IQCM: variants seen among roughly 807,000 people sequenced by gnomAD.
The protein encoded by IQCM is IQ motif containing M.
In IQCM, 45 loss-of-function variants were observed where a neutral mutation model predicts 57.6. That is an observed-to-expected ratio of 0.78 (90% CI 0.62 to 1.00). IQCM has a LOEUF of 1.00. Ranked by LOEUF, IQCM falls within the 50% of genes least tolerant of loss-of-function variation. IQCM has a pLI of 0.00. For missense variants in IQCM, 468 were observed against 511.6 expected (o/e 0.91, Z 0.82); for synonymous variants, 148 against 158.9 (o/e 0.93, Z 0.51).
intron 9 of IQCM, among the ~76,000 whole-genome samples, chr4:149,582,766 C>T (rs1332405993): frequency 6.6e-6 from 1 of 151,282 alleles, no homozygotes; most frequent in African/African-American, 2.4e-5. Context: ...AGGCACTGAC[C>T]CAGAAGAATC....
At chr4:149,380,736 C>A (rs1379137207) in intron 13 of IQCM, among the ~76,000 whole-genome samples, 1 of 152,026 alleles carries the variant, frequency 6.6e-6, no homozygotes, top group Admixed American at 6.6e-5. Flanking sequence ...AGAAAGAGTG[C>A]TAAGACATCC....
At chr4:149,801,922 T>C (rs1311953046) in intron 2 of IQCM, among the ~76,000 whole-genome samples, 1 of 151,948 alleles carries the variant, frequency 6.6e-6, no homozygotes, top group Non-Finnish European at 1.5e-5. Flanking sequence ...CAAAGACAAA[T>C]GCTTGAGGGG....
intron 3 of IQCM, 29 bp downstream of exon 3, chr4:149,742,620 GACTTGT>G (rs1350289060): frequency 3.3e-6 from 4 of 1,200,272 alleles, no homozygotes; most frequent in Non-Finnish European, 4.2e-6. Context: ...GGAGTGTTAT[GACTTGT>G]ACTATGTTAG....
intron 7 of IQCM, among the ~76,000 whole-genome samples, chr4:149,679,101 T>A (rs933223913): frequency 5.3e-5 from 8 of 151,694 alleles, no homozygotes; most frequent in Non-Finnish European, 8.9e-5. Flanking sequence ...TGTAGCACTA[T>A]TCACAACAGA....
At chr4:149,777,933 A>C (rs74682461) in intron 2 of IQCM, among the ~76,000 whole-genome samples, 3,401 of 152,268 alleles carry the variant, frequency 0.022, 65 homozygotes, top group South Asian at 0.036. Flanking sequence ...AACAAAACAA[A>C]AAAAAAGGCC....
At chr4:149,680,913 C>G (rs1481338487) in intron 7 of IQCM, among the ~76,000 whole-genome samples, 1 of 151,278 alleles carries the variant, frequency 6.6e-6, no homozygotes, top group African/African-American at 2.4e-5. Context: ...AAAAATAAGA[C>G]TTAAATGAAT....
chr4:149,421,894 T>A (rs1471329740), intron 13 of IQCM, among the ~76,000 whole-genome samples: 1 of 152,064 alleles, frequency 6.6e-6, no homozygotes, highest in Non-Finnish European at 1.5e-5. Context: ...TATTATAATA[T>A]TATATAATCA....
intron 12 of IQCM, among the ~76,000 whole-genome samples, chr4:149,517,823 G>C (rs896020915): frequency 2.0e-4 from 31 of 152,232 alleles, no homozygotes; most frequent in African/African-American, 5.8e-4. Flanking sequence ...GATGCTTCCT[G>C]CCCTGGAACA....
At chr4:149,498,566 C>T (rs1316795250) in intron 12 of IQCM, among the ~76,000 whole-genome samples, 2 of 152,094 alleles carry the variant, frequency 1.3e-5, no homozygotes, top group Non-Finnish European at 2.9e-5. Flanking sequence ...AGGGCAGGAA[C>T]TAAGAGGGGC....
At chr4:149,352,631 T>A (rs986243319) in intron 13 of IQCM, among the ~76,000 whole-genome samples, 3 of 152,188 alleles carry the variant, frequency 2.0e-5, no homozygotes, top group Non-Finnish European at 4.4e-5. Context: ...TGGAACCAAT[T>A]TCCTACCAGC....
chr4:149,358,313 C>G (rs1193109109), intron 13 of IQCM, among the ~76,000 whole-genome samples: 1 of 152,042 alleles, frequency 6.6e-6, no homozygotes, highest in Non-Finnish European at 1.5e-5. Flanking sequence ...GCTCTTGCTT[C>G]TCTAGTTCTT....
chr4:149,793,423 A>C (rs989328457), intron 2 of IQCM, among the ~76,000 whole-genome samples: 1 of 152,162 alleles, frequency 6.6e-6, no homozygotes, highest in African/African-American at 2.4e-5. Flanking sequence ...TCTCTCTTCT[A>C]ATTGCACCAG....
At chr4:149,643,762 T>C (rs1410728109) in intron 7 of IQCM, among the ~76,000 whole-genome samples, 2 of 152,134 alleles carry the variant, frequency 1.3e-5, no homozygotes, top group East Asian at 1.9e-4. Flanking sequence ...AAAAAACAAG[T>C]AATTGTTTAA....
At chr4:149,609,210 T>A (rs1337088700) in intron 8 of IQCM, among the ~76,000 whole-genome samples, 1 of 151,738 alleles carries the variant, frequency 6.6e-6, no homozygotes, top group African/African-American at 2.4e-5. Context: ...AAAACCTGAA[T>A]AGACCACAAC....
chr4:149,814,951 A>G (rs1489139209), intron 2 of IQCM, among the ~76,000 whole-genome samples: 1 of 152,004 alleles, frequency 6.6e-6, no homozygotes, highest in Non-Finnish European at 1.5e-5. Context: ...TATATGTAAA[A>G]GACATTTAGT....
chr4:149,673,454 A>C (rs1337248973), intron 7 of IQCM, among the ~76,000 whole-genome samples: 3 of 152,134 alleles, frequency 2.0e-5, no homozygotes, highest in East Asian at 3.9e-4. Context: ...GAAAACAAAA[A>C]AATGCAGGGG....
At chr4:149,656,947 G>A (rs1396529672) in intron 7 of IQCM, among the ~76,000 whole-genome samples, 3 of 152,112 alleles carry the variant, frequency 2.0e-5, no homozygotes, top group African/African-American at 4.8e-5. Context: ...GCTGAGAGAC[G>A]GTGGTGGCAT....
At chr4:149,554,491 A>G (rs1014771092) in intron 10 of IQCM, among the ~76,000 whole-genome samples, 4 of 151,358 alleles carry the variant, frequency 2.6e-5, no homozygotes, top group Non-Finnish European at 1.5e-5. Flanking sequence ...TAATTTCTGT[A>G]TTTTTGTAGA....
chr4:149,539,736 G>A (rs979881889), intron 12 of IQCM, among the ~76,000 whole-genome samples: 1 of 151,942 alleles, frequency 6.6e-6, no homozygotes, highest in Non-Finnish European at 1.5e-5. Context: ...ATTATTGTGG[G>A]CACCTGTAAT....
Sources: gnomAD v4.1 joint callset for allele counts (sites outside exome capture counted in the v4.1 genomes callset) on GRCh38, gnomAD v4.1.1 for gene constraint, MANE v1.5 for transcripts, NCBI Gene and HGNC (gene_info 2026-07-23, HGNC 2026-07-21) for gene names.